Variants in NIPAL2 observed in about 807,000 individuals in gnomAD.
NIPAL2 encodes the protein NIPA-like protein 2.
Under a neutral mutation model 48.9 loss-of-function variants are expected in NIPAL2, and 43 were observed. The observed-to-expected ratio is 0.88, with a 90% confidence interval of 0.69 to 1.13. The LOEUF (loss-of-function observed/expected upper bound fraction) is 1.13, where lower values mean the gene tolerates loss of function less well. Ranked by LOEUF, NIPAL2 falls within the 50% of genes most tolerant of loss-of-function variation. The probability of loss-of-function intolerance (pLI) is 0.00; values close to 1 mark genes in which losing one functional copy is unlikely to be tolerated. For missense variants in NIPAL2, 446 were observed against 461.4 expected (o/e 0.97, Z 0.31); for synonymous variants, 167 against 174.6 (o/e 0.96, Z 0.34).
intron 8 of NIPAL2, among the ~76,000 whole-genome samples, chr8:98,200,653 C>T (rs1431053723): frequency 6.6e-6 from 1 of 152,156 alleles, no homozygotes; most frequent in Non-Finnish European, 1.5e-5. Context: ...AGTGAAATTA[C>T]TAGATCATAT....
intron 1 of NIPAL2, among the ~76,000 whole-genome samples, chr8:98,260,414 G>C (rs1445894536): frequency 2.6e-5 from 4 of 152,194 alleles, no homozygotes; most frequent in Non-Finnish European, 5.9e-5. Context: ...CAGCTCAGTG[G>C]GTGCGCGCAC....
chr8:98,282,896 G>A (rs1347419869), intron 1 of NIPAL2, among the ~76,000 whole-genome samples: 2 of 152,124 alleles, frequency 1.3e-5, no homozygotes, highest in Non-Finnish European at 2.9e-5. Flanking sequence ...TTTTCAGTCA[G>A]GAGCAGATTT....
chr8:98,289,192 C>A (rs1816358554), intron 1 of NIPAL2, among the ~76,000 whole-genome samples: 1 of 152,112 alleles, frequency 6.6e-6, no homozygotes, highest in Non-Finnish European at 1.5e-5. Flanking sequence ...TCCAACTATC[C>A]ATTTTTCCCC....
rs538144162 is a variant in NIPAL2 at position 98,291,071 on chromosome 8, T to A, written c.135+2932A>T. Among the ~76,000 whole-genome samples the A allele has an allele frequency of 1.2e-4, 18 of 152,316 alleles. No individual in the cohort carries two copies. In the East Asian group the frequency reaches 2.3e-3, roughly 20 times the overall value. ...CTGCTAGCCTTAATTTAAATTTTTTTAAATTTAATTTGCTTTGATTCCTGC... is the reference window on the plus strand; with the variant it reads ...CTGCTAGCCTTAATTTAAATTTTTTAAAATTTAATTTGCTTTGATTCCTGC... On this transcript the variant is annotated intron_variant, in intron 1 of 10. Transcript: ENST00000430223.
intron 6 of NIPAL2, among the ~76,000 whole-genome samples, chr8:98,211,207 G>A (rs187153782): frequency 6.9e-4 from 105 of 152,126 alleles, no homozygotes; most frequent in African/African-American, 2.4e-3. Context: ...CTAGGTAAAC[G>A]TATTCCATTT....
intron 3 of NIPAL2, among the ~76,000 whole-genome samples, chr8:98,239,699 T>C (rs1812889025): frequency 6.6e-6 from 1 of 152,200 alleles, no homozygotes; most frequent in Non-Finnish European, 1.5e-5. Context: ...ACAAAATTTT[T>C]AGGTAATAGA....
At chr8:98,259,862 G>A (rs1814184853) in intron 1 of NIPAL2, among the ~76,000 whole-genome samples, 1 of 152,156 alleles carries the variant, frequency 6.6e-6, no homozygotes, top group African/African-American at 2.4e-5. Flanking sequence ...GGCTGCAGAG[G>A]CATGAATGAA....
chr8:98,277,028 C>T (rs1815510366), intron 1 of NIPAL2, among the ~76,000 whole-genome samples: 1 of 148,138 alleles, frequency 6.8e-6, no homozygotes, highest in Non-Finnish European at 1.5e-5. Flanking sequence ...CCTTGGCCTC[C>T]CAAAGTGCTG....
chr8:98,211,156 C>T (rs1811292160), intron 6 of NIPAL2, among the ~76,000 whole-genome samples: 2 of 152,158 alleles, frequency 1.3e-5, no homozygotes, highest in Non-Finnish European at 2.9e-5. Context: ...CTGGAAGTTT[C>T]CCTGATGTCC....
At chr8:98,233,156 G>T (rs539809872) in intron 4 of NIPAL2, among the ~76,000 whole-genome samples, 1 of 152,220 alleles carries the variant, frequency 6.6e-6, no homozygotes, top group South Asian at 2.1e-4. Flanking sequence ...TACTTGGGAG[G>T]CTGAGGCAGG....
intron 4 of NIPAL2, among the ~76,000 whole-genome samples, chr8:98,226,076 A>G (rs1201825664): frequency 6.6e-6 from 1 of 151,886 alleles, no homozygotes; most frequent in Non-Finnish European, 1.5e-5. Flanking sequence ...AATTATTTCA[A>G]TTTCTTTGTT....
chr8:98,254,370 T>C (rs1017993720), intron 1 of NIPAL2, among the ~76,000 whole-genome samples: 9 of 152,236 alleles, frequency 5.9e-5, no homozygotes, highest in Non-Finnish European at 1.3e-4. Context: ...TTCGGGTTTT[T>C]CCAATCAAGA....
At chr8:98,278,664 CAG>C (rs1288196354) in intron 1 of NIPAL2, among the ~76,000 whole-genome samples, 1 of 152,166 alleles carries the variant, frequency 6.6e-6, no homozygotes. Context: ...TCCTTGAAGG[CAG>C]AGCTGTGACT....
At chr8:98,217,801 T>C (rs1811649165) in intron 5 of NIPAL2, among the ~76,000 whole-genome samples, 1 of 152,220 alleles carries the variant, frequency 6.6e-6, no homozygotes, top group Non-Finnish European at 1.5e-5. Flanking sequence ...TATTTACATT[T>C]TTCTCTGTGG....
chr8:98,244,566 G>GGGGGGCGCTGTGGGGATGAGA (rs1813192776), intron 3 of NIPAL2, among the ~76,000 whole-genome samples: 1 of 73,086 alleles, frequency 1.4e-5, no homozygotes, highest in Non-Finnish European at 3.7e-5. Flanking sequence ...TGTGATAAGG[G>GGGGGGCGCTGTGGGGATGAGA]GGGTGCGCTG....
intron 4 of NIPAL2, among the ~76,000 whole-genome samples, chr8:98,226,507 G>A (rs1358867660): frequency 6.6e-6 from 1 of 152,102 alleles, no homozygotes; most frequent in Non-Finnish European, 1.5e-5. Flanking sequence ...GGTGGTCTTG[G>A]ATAAGATCTG....
chr8:98,249,654 T>G (rs1349968827), intron 3 of NIPAL2, among the ~76,000 whole-genome samples: 2 of 147,392 alleles, frequency 1.4e-5, no homozygotes, highest in Admixed American at 6.8e-5. Flanking sequence ...TTATATTAAA[T>G]ATAATTAATA....
rs372856425 is a variant in NIPAL2 at position 98,238,726 on chromosome 8, T to C, written c.377-2512A>G. ...AGTTTCACACAGGGTAAACCAGGCA[T>C]GGGAAATGCTCATCAAGCATGAGTT... On this transcript the variant is annotated intron_variant, in intron 3 of 10. Coordinates refer to ENST00000430223, the MANE Select transcript of NIPAL2 (RefSeq NM_001321635.2). Among the ~76,000 whole-genome samples the C allele has an allele frequency of 3.3e-4, 50 of 152,116 alleles. No individual in the cohort carries two copies. The East Asian group carries it at 9.6e-3, about 29-fold the overall frequency.
chr8:98,190,677 A>G lies in NIPAL2; in HGVS notation c.*2301T>C, dbSNP rs1489254957. The stretch of plus-strand genomic sequence containing the variant: ...ATGCTCTTCTGTTTACATCTTGTCT[A>G]TGGCTGCTTTAGTGCTACAATGGCA... On this transcript the variant is annotated 3_prime_UTR_variant, in exon 11 of 11. Coordinates refer to ENST00000430223, the MANE Select transcript of NIPAL2 (RefSeq NM_001321635.2). 6.6e-6 allele frequency: 1 copy of G among 152,190 alleles called. No individual in the cohort carries two copies. The highest frequency in any genetic ancestry group is 2.4e-5 in the African/African-American group (1 of 41,414). 9.4% of individuals were successfully genotyped at this position (152,190 alleles called of 1,614,324 possible).
Sources: allele counts gnomAD v4.1 joint callset (sites outside exome capture counted in the v4.1 genomes callset), GRCh38; gene constraint gnomAD v4.1.1; transcripts MANE v1.5; gene names NCBI Gene and HGNC (gene_info 2026-07-23, HGNC 2026-07-21).